Variants in TENM3 observed in about 807,000 individuals in gnomAD.
TENM3 encodes the protein teneurin transmembrane protein 3.
In TENM3, 63 loss-of-function variants were observed where a neutral mutation model predicts 255.1. The observed-to-expected ratio is 0.25, with a 90% confidence interval of 0.20 to 0.30. TENM3 has a LOEUF of 0.30. TENM3 is among the 10% of genes least tolerant of loss of function. The pLI is 1.00. For synonymous variants in TENM3, 1,306 were observed against 1,322.3 expected (o/e 0.99, Z 0.27); for missense variants, 2,929 against 3,461.1 (o/e 0.85, Z 3.86).
rs1041374032 is a variant in TENM3 at position 182,529,399 on chromosome 4, C to T, written c.512-71525C>T. ...ATCGATTTTTCATTAACTTTCTTAT[C>T]ACTTAGGAGTTCCAGGGTATAATAG... On this transcript the variant is annotated intron_variant, in intron 3 of 27. Transcript: ENST00000511685. Among the ~76,000 whole-genome samples, 4 of 152,278 alleles carry T rather than the reference C, an allele frequency of 2.6e-5. No homozygotes were observed. In the East Asian group the frequency reaches 7.7e-4, roughly 29 times the overall value.
chr4:182,733,239 TCAA>T (rs911119266), intron 16 of TENM3, among the ~76,000 whole-genome samples: 3 of 152,198 alleles, frequency 2.0e-5, no homozygotes, highest in Non-Finnish European at 4.4e-5. Flanking sequence ...CTTGGCTTGT[TCAA>T]GGAGTGGCAA....
chr4:182,075,414 G>A, the TENM3 span, among the ~76,000 whole-genome samples: 2 of 152,008 alleles, frequency 1.3e-5, no homozygotes, highest in Non-Finnish European at 2.9e-5. Flanking sequence ...TGGCCAGGAT[G>A]GTCTCGATCT....
At chr4:182,592,435 A>G (rs1746755353) in intron 3 of TENM3, among the ~76,000 whole-genome samples, 1 of 152,210 alleles carries the variant, frequency 6.6e-6, no homozygotes. Flanking sequence ...TAAAATTCAC[A>G]TGATGGAGCC....
chr4:182,605,479 T>C (rs1748321260), intron 4 of TENM3, among the ~76,000 whole-genome samples: 1 of 110,580 alleles, frequency 9.0e-6, no homozygotes, highest in Non-Finnish European at 1.9e-5. Flanking sequence ...ACCATCATCA[T>C]TTATTTAAAA....
the TENM3 span, among the ~76,000 whole-genome samples, chr4:181,956,348 A>T: frequency 2.6e-5 from 4 of 152,340 alleles, no homozygotes; most frequent in East Asian, 7.7e-4. Context: ...TCATACTCTC[A>T]GAATATTGCA....
rs1400566946 is a variant in TENM3 at position 182,653,683 on chromosome 4, A to G, written c.989-88A>G. 2.4e-4 allele frequency: 335 copies of G among 1,407,904 alleles called. 1 individual carries two copies. The highest frequency in any genetic ancestry group is 4.9e-5 in the Non-Finnish European group (51 of 1,050,338). 87.2% of individuals were successfully genotyped at this position (1,407,904 alleles called of 1,614,324 possible). A position where few individuals can be genotyped will look rare whatever the true frequency, so the allele number is the denominator to read the frequency against. Reference sequence around the variant, plus strand: ...CAGAAAATGGAAATTGTAACTTTACATATGACTCTTGTTTTAAACATGCTT... The same window carrying G: ...CAGAAAATGGAAATTGTAACTTTACGTATGACTCTTGTTTTAAACATGCTT... On this transcript the variant is annotated intron_variant, in intron 5 of 27. Transcript: ENST00000511685.
chr4:181,600,642 C>T, the TENM3 span, among the ~76,000 whole-genome samples: 4 of 151,426 alleles, frequency 2.6e-5, no homozygotes, highest in African/African-American at 9.8e-5. Flanking sequence ...GCCCTTGATG[C>T]TGGGGCTTCT....
intron 3 of TENM3, among the ~76,000 whole-genome samples, chr4:182,370,877 A>T (rs953217525): frequency 3.9e-5 from 6 of 152,136 alleles, no homozygotes; most frequent in Admixed American, 2.6e-4. Context: ...ACCTTGAGAG[A>T]CATTAGTTTT....
the TENM3 span, among the ~76,000 whole-genome samples, chr4:181,704,685 T>A: frequency 6.6e-6 from 1 of 152,142 alleles, no homozygotes; most frequent in African/African-American, 2.4e-5. Flanking sequence ...ATTTGAGCTC[T>A]TTCTGCATAT....
At position 182,409,656 on chromosome 4, in the gene TENM3, A is replaced by G. The variant is rs1173057285; in HGVS notation, c.511+62727A>G. On this transcript the variant is annotated intron_variant, in intron 3 of 27. Coordinates refer to ENST00000511685, the MANE Select transcript of TENM3 (RefSeq NM_001080477.4). ...GTGATTTGTCAAATAGATATTAGCT[A>G]GAGGAGGGCTTGTTAATTTTATGTA... Among the ~76,000 whole-genome samples the G allele has an allele frequency of 5.3e-5, 8 of 152,354 alleles. No homozygotes were observed. In the East Asian group the frequency reaches 1.2e-3, roughly 22 times the overall value.
intron 1 of TENM3, among the ~76,000 whole-genome samples, chr4:182,152,657 G>A (rs188675929): frequency 2.0e-5 from 3 of 151,498 alleles, no homozygotes; most frequent in Non-Finnish European, 4.4e-5. Context: ...TTTTTTCTTC[G>A]ATTTTTACTA....
chr4:181,809,828 A>G, the TENM3 span, among the ~76,000 whole-genome samples: 5 of 152,100 alleles, frequency 3.3e-5, no homozygotes, highest in African/African-American at 1.2e-4. Context: ...AGAAGCAGAG[A>G]CGATGTGGCC....
chr4:181,740,385 T>C, the TENM3 span, among the ~76,000 whole-genome samples: 2 of 152,192 alleles, frequency 1.3e-5, no homozygotes, highest in African/African-American at 4.8e-5. Context: ...TTATTTAACA[T>C]GTTTCACTAT....
chr4:181,553,260 A>AGTGTGTGTGTGTGT, the TENM3 span, among the ~76,000 whole-genome samples: 27 of 133,554 alleles, frequency 2.0e-4, no homozygotes, highest in Admixed American at 4.5e-4. Flanking sequence ...ATAGTCATTA[A>AGTGTGTGTGTGTGT]GTGTGTGTGT....
chr4:181,840,967 A>C, the TENM3 span, among the ~76,000 whole-genome samples: 1 of 152,092 alleles, frequency 6.6e-6, no homozygotes, highest in African/African-American at 2.4e-5. Context: ...ACTTTTTTAA[A>C]GTTTTGTAAG....
At chr4:182,190,701 A>G (rs1031633902) in intron 1 of TENM3, among the ~76,000 whole-genome samples, 1 of 152,150 alleles carries the variant, frequency 6.6e-6, no homozygotes, top group Middle Eastern at 3.2e-3. Context: ...TTACTAAATA[A>G]CATTTTTTAT....
the TENM3 span, among the ~76,000 whole-genome samples, chr4:181,636,332 C>T: frequency 6.6e-6 from 1 of 152,150 alleles, no homozygotes; most frequent in African/African-American, 2.4e-5. Flanking sequence ...TGTGAGCCAC[C>T]GCCCATGGCC....
chr4:181,984,633 G>A, the TENM3 span, among the ~76,000 whole-genome samples: 2 of 151,830 alleles, frequency 1.3e-5, no homozygotes, highest in African/African-American at 2.4e-5. Flanking sequence ...AGCCAACAGG[G>A]GCAGAGTAGC....
the TENM3 span, among the ~76,000 whole-genome samples, chr4:182,055,438 G>A: frequency 3.9e-5 from 6 of 152,168 alleles, no homozygotes; most frequent in African/African-American, 7.2e-5. Context: ...GCTCTGGCTC[G>A]GTTAAGCTCA....
Sources: gnomAD v4.1 joint callset for allele counts (sites outside exome capture counted in the v4.1 genomes callset) on GRCh38, gnomAD v4.1.1 for gene constraint, MANE v1.5 for transcripts, NCBI Gene and HGNC (gene_info 2026-07-23, HGNC 2026-07-21) for gene names.